TMTC2: variants seen among roughly 807,000 people sequenced by gnomAD.
TMTC2 encodes the protein transmembrane O-mannosyltransferase targeting cadherins 2.
A neutral mutation model predicts 82.4 loss-of-function variants in TMTC2; 43 were observed. That is an observed-to-expected ratio of 0.52 (90% CI 0.41 to 0.67). The LOEUF (loss-of-function observed/expected upper bound fraction) is 0.67, where lower values mean the gene tolerates loss of function less well. Among genes scored for constraint, TMTC2 ranks in the 30% least tolerant of loss-of-function variants. The pLI is 0.00. For missense variants in TMTC2, 919 were observed against 1,012.4 expected, an observed-to-expected ratio of 0.91 and a Z score of 1.25; for synonymous variants, 408 against 381.9, an observed-to-expected ratio of 1.07 and a Z score of -0.80.
chr12:82,942,182 G>T (rs1052145398), intron 4 of TMTC2, among the ~76,000 whole-genome samples: 8 of 152,190 alleles, frequency 5.3e-5, no homozygotes, highest in Admixed American at 4.6e-4. Context: ...ATTGATAAGA[G>T]AATATAATGA....
At chr12:82,939,798 C>T (rs1027550523) in intron 4 of TMTC2, among the ~76,000 whole-genome samples, 1 of 151,992 alleles carries the variant, frequency 6.6e-6, no homozygotes. Flanking sequence ...AAAGGCAAAC[C>T]TCTCATCCTT....
intron 7 of TMTC2, among the ~76,000 whole-genome samples, chr12:82,978,280 A>G (rs1194851321): frequency 6.6e-6 from 1 of 151,810 alleles, no homozygotes; most frequent in Non-Finnish European, 1.5e-5. Context: ...TAAATATCTG[A>G]GCACTGGTGA....
At chr12:82,692,359 A>G (rs1872615122) in intron 1 of TMTC2, among the ~76,000 whole-genome samples, 1 of 152,166 alleles carries the variant, frequency 6.6e-6, no homozygotes, top group Admixed American at 6.5e-5. Flanking sequence ...TTGAAATAGC[A>G]ACAACCTTTT....
intron 1 of TMTC2, among the ~76,000 whole-genome samples, chr12:82,801,443 A>G (rs1035896126): frequency 2.6e-5 from 4 of 152,222 alleles, no homozygotes; most frequent in South Asian, 4.2e-4. Context: ...GCGGGTTGCC[A>G]CTGCAGGCTT....
rs114793507 is a variant in TMTC2 at position 82,952,072 on chromosome 12, G to T, written c.1599-12952G>T. Among the ~76,000 whole-genome samples the T allele has an allele frequency of 5.5e-3, 842 of 152,190 alleles. 9 individuals carry two copies. Among genetic ancestry groups the T allele is most frequent in the African/African-American group, 0.02 (820 of 41,510 alleles). On this transcript the variant is annotated intron_variant, in intron 4 of 11. Coordinates refer to ENST00000321196, the MANE Select transcript of TMTC2 (RefSeq NM_152588.3). Reference sequence around the variant, plus strand: ...AGCTTTGTCTCTGGTATCTCCCGCGGAGCTCAGATTCAATAACTTATATCT... The same window carrying T: ...AGCTTTGTCTCTGGTATCTCCCGCGTAGCTCAGATTCAATAACTTATATCT...
intron 4 of TMTC2, among the ~76,000 whole-genome samples, chr12:82,957,870 A>T (rs73362280): frequency 0.031 from 4,714 of 152,180 alleles, 237 homozygotes; most frequent in African/African-American, 0.11. Context: ...ATTAAAAAAA[A>T]GAAAAACACA....
intron 11 of TMTC2, among the ~76,000 whole-genome samples, chr12:83,094,020 A>G (rs1883934979): frequency 6.6e-6 from 1 of 152,260 alleles, no homozygotes; most frequent in Non-Finnish European, 1.5e-5. Flanking sequence ...TGTTCAGTAA[A>G]TGAGTGTGCC....
chr12:82,906,512 A>G (rs1460876811), intron 3 of TMTC2, among the ~76,000 whole-genome samples: 1 of 152,036 alleles, frequency 6.6e-6, no homozygotes, highest in Non-Finnish European at 1.5e-5. Flanking sequence ...TAAAAATACA[A>G]AAATTAGCCG....
chr12:83,115,846 C>T (rs1228792733), intron 11 of TMTC2, among the ~76,000 whole-genome samples: 5 of 152,000 alleles, frequency 3.3e-5, no homozygotes, highest in African/African-American at 4.8e-5. Context: ...GGAGTGCAGT[C>T]GCACGAGCTC....
In TMTC2 at chr12:82,953,636, T is replaced by C. The variant is rs527319053; in HGVS notation, c.1599-11388T>C. Among the ~76,000 whole-genome samples, 7 of 152,316 alleles carry C rather than the reference T, an allele frequency of 4.6e-5. No homozygotes were observed. The East Asian group carries it at 9.7e-4, about 21-fold the overall frequency. On this transcript the variant is annotated intron_variant, in intron 4 of 11. Coordinates refer to ENST00000321196, the MANE Select transcript of TMTC2 (RefSeq NM_152588.3). Reference sequence around the variant, plus strand: ...AAAAAAGTGAGCAAATGTGTCTGTGTAATCACATTTAACAATTAAGTTATG... The same window carrying C: ...AAAAAAGTGAGCAAATGTGTCTGTGCAATCACATTTAACAATTAAGTTATG...
intron 8 of TMTC2, among the ~76,000 whole-genome samples, chr12:83,020,595 G>A (rs1880872278): frequency 1.3e-5 from 2 of 152,144 alleles, no homozygotes; most frequent in Non-Finnish European, 2.9e-5. Context: ...TTCATCAACT[G>A]AGATTATGGA....
chr12:82,798,372 C>T (rs1878826931), intron 1 of TMTC2, among the ~76,000 whole-genome samples: 1 of 148,460 alleles, frequency 6.7e-6, no homozygotes, highest in Admixed American at 6.7e-5. Context: ...TGGCGGGCGC[C>T]TGTAGTCCCA....
chr12:82,754,053 A>G (rs1246934639), intron 1 of TMTC2, among the ~76,000 whole-genome samples: 1 of 152,204 alleles, frequency 6.6e-6, no homozygotes, highest in Non-Finnish European at 1.5e-5. Context: ...TTTATGCCCA[A>G]AAGTCCAGAT....
chr12:83,070,496 T>C (rs115548665), intron 11 of TMTC2, among the ~76,000 whole-genome samples: 10,989 of 152,184 alleles, frequency 0.072, 475 homozygotes, highest in Middle Eastern at 0.095. Flanking sequence ...TTTGCTTGGT[T>C]GCTGTTGGTG....
chr12:82,896,106 G>C lies in TMTC2; in HGVS notation c.943G>C (p.Ala315Pro), dbSNP rs1201791. Residue 315 changes from alanine (A) to proline (P), a missense_variant, in exon 3 of 12, where the codon GCC (alanine) becomes CCC (proline). By Grantham distance (27) the Ala-to-Pro change is conservative. Transcript: ENST00000321196. Reference protein sequence around the residue: ...VCDWRNLHTVAFYTGLLLLAY... With the variant: ...VCDWRNLHTVPFYTGLLLLAY... ...TGACTGGAGAAACCTACACACTGTG[G>C]CCTTCTATACTGGACTCCTTCTCCT... 43 of 1,613,798 alleles carry C rather than the reference G, an allele frequency of 2.7e-5. No individual in the cohort carries two copies. The highest frequency in any genetic ancestry group is 8.3e-5 in the Admixed American group (5 of 59,948).
At chr12:83,029,650 C>T (rs1015505824) in intron 8 of TMTC2, among the ~76,000 whole-genome samples, 51 of 152,262 alleles carry the variant, frequency 3.3e-4, no homozygotes, top group Admixed American at 4.6e-4. Flanking sequence ...CCTTCATAGT[C>T]ACCATATATC....
intron 1 of TMTC2, among the ~76,000 whole-genome samples, chr12:82,689,740 A>T (rs1159912466): frequency 1.3e-5 from 2 of 152,202 alleles, no homozygotes; most frequent in African/African-American, 4.8e-5. Context: ...AGTTTTTCAG[A>T]TGCAATAGTC....
chr12:82,757,099 T>C (rs1565737036), intron 1 of TMTC2, among the ~76,000 whole-genome samples: 2 of 152,188 alleles, frequency 1.3e-5, no homozygotes. Flanking sequence ...TAACTCTATT[T>C]AATAGAATGT....
intron 2 of TMTC2, among the ~76,000 whole-genome samples, chr12:82,859,968 T>TTTG (rs915306015): frequency 3.3e-5 from 5 of 152,036 alleles, no homozygotes; most frequent in African/African-American, 1.2e-4. Context: ...TTTATAGATT[T>TTTG]TTGTTGTTGT....
Sources: gnomAD v4.1 joint callset for allele counts (sites outside exome capture counted in the v4.1 genomes callset) on GRCh38, gnomAD v4.1.1 for gene constraint, MANE v1.5 for transcripts, NCBI Gene and HGNC (gene_info 2026-07-23, HGNC 2026-07-21) for gene names.